GALNT2: variants seen among roughly 807,000 people sequenced by gnomAD.
GALNT2 encodes the protein UDP-GalNAc:polypeptide N-acetylgalactosaminyltransferase 2.
In GALNT2, 31 loss-of-function variants were observed where a neutral mutation model predicts 81.4. The ratio of observed to expected loss-of-function variants is 0.38; its 90% CI spans 0.29 to 0.51. The LOEUF (loss-of-function observed/expected upper bound fraction) is 0.51. Ranked by LOEUF, GALNT2 falls within the 20% of genes least tolerant of loss-of-function variation. GALNT2 has a pLI of 0.87. For synonymous variants in GALNT2, 303 were observed against 287.4 expected (o/e 1.05, Z -0.55); for missense variants, 629 against 765.7 (o/e 0.82, Z 2.11).
At chr1:230,278,810 G>A (rs991779370) in intron 15 of GALNT2, among the ~76,000 whole-genome samples, 2 of 152,186 alleles carry the variant, frequency 1.3e-5, no homozygotes, top group East Asian at 1.9e-4. Context: ...TGGCTCCCCC[G>A]AGCAGAAAGC....
At chr1:230,099,630 G>T (rs1007664558) in intron 1 of GALNT2, among the ~76,000 whole-genome samples, 2 of 152,250 alleles carry the variant, frequency 1.3e-5, no homozygotes, top group African/African-American at 4.8e-5. Context: ...TTTAGCAATG[G>T]TGCGTTCCCT....
rs753791090 is a variant in GALNT2 at position 230,279,089 on chromosome 1, G to A, written c.1561-214G>A. 2.0e-5 allele frequency among the ~76,000 whole-genome samples: 3 copies of A among 152,186 alleles called. No homozygotes were observed. Among genetic ancestry groups the A allele is most frequent in the Non-Finnish European group, 4.4e-5 (3 of 68,024 alleles). On this transcript the variant is annotated intron_variant, in intron 15 of 15. Coordinates refer to ENST00000366672, the MANE Select transcript of GALNT2 (RefSeq NM_004481.5). The surrounding 1 kb of genome is among the most constrained non-coding windows in gnomAD (Gnocchi z 4.6). ...GAGACGTTCTGAGTTTTGATCCAAG[G>A]CAGAGAATATGTTTCCTTCCTGGGT...
intron 3 of GALNT2, among the ~76,000 whole-genome samples, chr1:230,223,344 A>AT (rs5781576): frequency 0.11 from 16,501 of 148,840 alleles, 1,859 homozygotes; most frequent in East Asian, 0.58. Context: ...TATCTTACTG[A>AT]TTTTTTTTCT....
In GALNT2 at chr1:230,262,580, C is replaced by T. The variant is rs1292294067; in HGVS notation, c.1144C>T (p.Arg382Cys). ...GATTTATTTTCTTTCTAGAAACACC[C>T]GCCGGGCAGCAGAGGTCTGGATGGA... Reference protein sequence around the residue: ...GSGTVFARNTRRAAEVWMDEY... With the variant: ...GSGTVFARNTCRAAEVWMDEY... The change falls in exon 12 of 16, where the codon CGC (arginine) becomes TGC (cysteine). Residue 382 changes from arginine (R) to cysteine (C), a missense_variant. By Grantham distance (180) the Arg-to-Cys change is radical (BLOSUM62 -3). Around this residue, in one of 3 missense-constraint regions of GALNT2, gnomAD observed 360 missense variants for 492.8 expected, o/e 0.73. Transcript: ENST00000366672. 2.5e-6 allele frequency: 4 copies of T among 1,613,514 alleles called. No homozygotes were observed. Among genetic ancestry groups the T allele is most frequent in the South Asian group, 1.1e-5 (1 of 91,048 alleles).
At chr1:230,066,140 G>C (rs1408587587), upstream of GALNT2, among the ~76,000 whole-genome samples, 1 of 152,174 alleles carries the variant, frequency 6.6e-6, no homozygotes, top group Admixed American at 6.5e-5. Flanking sequence ...GTTTCGTTGA[G>C]GATATGGGTA....
chr1:230,066,852 C>T (rs1478882178), upstream of GALNT2, among the ~76,000 whole-genome samples: 1 of 151,854 alleles, frequency 6.6e-6, no homozygotes, highest in Non-Finnish European at 1.5e-5. Context: ...AGCCACCTGT[C>T]ACTCACGGGG....
intron 1 of GALNT2, among the ~76,000 whole-genome samples, chr1:230,170,812 G>T (rs1185252848): frequency 1.3e-5 from 2 of 152,104 alleles, no homozygotes; most frequent in African/African-American, 2.4e-5. Flanking sequence ...AATCAAATCT[G>T]TGTGAACTCT....
intron 14 of GALNT2, chr1:230,268,259 A>G (rs1021699099): frequency 3.3e-5 from 5 of 152,198 alleles, no homozygotes; most frequent in African/African-American, 1.2e-4. Context: ...ATTTCACCAA[A>G]TGCAGACATG....
chr1:230,256,807 A>AAT (rs1458931118), intron 11 of GALNT2, among the ~76,000 whole-genome samples: 2 of 152,182 alleles, frequency 1.3e-5, no homozygotes, highest in Non-Finnish European at 2.9e-5. Context: ...CACACAGCTA[A>AAT]ATAAGGTATT....
At chr1:230,207,578 A>G (rs1664101498) in intron 3 of GALNT2, among the ~76,000 whole-genome samples, 1 of 152,146 alleles carries the variant, frequency 6.6e-6, no homozygotes, top group Non-Finnish European at 1.5e-5. Context: ...TATTAGAAAG[A>G]TGATAGCCCA....
intron 8 of GALNT2, among the ~76,000 whole-genome samples, chr1:230,246,715 G>C (rs1032293005): frequency 6.6e-6 from 1 of 152,028 alleles, no homozygotes; most frequent in Admixed American, 6.6e-5. Flanking sequence ...CCCAACACCT[G>C]TGCCTACATC....
chr1:230,270,775 A>G (rs958103705), intron 14 of GALNT2, among the ~76,000 whole-genome samples: 1 of 152,222 alleles, frequency 6.6e-6, no homozygotes, highest in African/African-American at 2.4e-5. Flanking sequence ...GACACACAGG[A>G]AATGAGAAAA....
intron 1 of GALNT2, among the ~76,000 whole-genome samples, chr1:230,126,222 G>T (rs1261431988): frequency 6.6e-6 from 1 of 152,228 alleles, no homozygotes; most frequent in Non-Finnish European, 1.5e-5. Flanking sequence ...GGAGTGTGGG[G>T]TTGCTGTGCT....
At chr1:230,206,054 C>T (rs1045175879) in intron 3 of GALNT2, among the ~76,000 whole-genome samples, 7 of 152,088 alleles carry the variant, frequency 4.6e-5, no homozygotes, top group Non-Finnish European at 8.8e-5. Flanking sequence ...TGACTTCAGT[C>T]GACTGCTTGG....
rs1239951579 is a variant in GALNT2 at position 230,255,383 on chromosome 1, T to C, written c.1136+39T>C. 6 of 1,613,188 alleles carry C rather than the reference T, an allele frequency of 3.7e-6. No homozygotes were observed. In the African/African-American group the frequency reaches 8.0e-5, roughly 22 times the overall value. On this transcript the variant is annotated intron_variant, in intron 11 of 15. Transcript: ENST00000366672. ...GGCTGAGCGGGGTCCAAAACATTGATGACTACCCTGAAAGCAGGACCTGAC... is the reference window on the plus strand; with the variant it reads ...GGCTGAGCGGGGTCCAAAACATTGACGACTACCCTGAAAGCAGGACCTGAC...
In GALNT2 at chr1:230,086,128, G is replaced by A. The variant is rs574146207; in HGVS notation, c.126+18722G>A. ...ATGACAAGATTTTAATCCAGGTCTT[G>A]GTATTCCTAGGGTGCCAGAGGTGAA... On this transcript the variant is annotated intron_variant, in intron 1 of 15. Coordinates refer to ENST00000366672, the MANE Select transcript of GALNT2 (RefSeq NM_004481.5). 1.4e-4 allele frequency among the ~76,000 whole-genome samples: 21 copies of A among 152,258 alleles called. No homozygotes were observed. In the South Asian group the frequency reaches 3.9e-3, roughly 29 times the overall value.
At chr1:230,180,470 T>C (rs1456759105) in intron 2 of GALNT2, among the ~76,000 whole-genome samples, 1 of 152,240 alleles carries the variant, frequency 6.6e-6, no homozygotes, top group East Asian at 1.9e-4. Flanking sequence ...CATTGGTCTA[T>C]TTTTCTGTTA....
chr1:230,185,301 T>C (rs78509830), intron 2 of GALNT2, among the ~76,000 whole-genome samples: 4,049 of 126,110 alleles, frequency 0.032, 141 homozygotes, highest in African/African-American at 0.093. Flanking sequence ...TGTGTGTGTG[T>C]GCGCGCGTGT....
At position 230,271,039 on chromosome 1, in the gene GALNT2, C is replaced by T. The variant is rs894876016; in HGVS notation, c.1441-3406C>T. ...TTTAACTGGGTGTCAGCAGACCATC[C>T]AGCATCCGCCAACACCTGCTGCCAG... is the stretch of plus-strand genomic sequence containing the variant. On this transcript the variant is annotated intron_variant, in intron 14 of 15. Transcript: ENST00000366672. The surrounding 1 kb of genome is among the most constrained non-coding windows in gnomAD (Gnocchi z 4.2). Among the ~76,000 whole-genome samples, 1 of 152,184 alleles carries T rather than the reference C, an allele frequency of 6.6e-6. No homozygotes were observed. Among genetic ancestry groups the T allele is most frequent in the Non-Finnish European group, 1.5e-5 (1 of 68,030 alleles).
Sources: gnomAD v4.1 joint callset for allele counts (sites outside exome capture counted in the v4.1 genomes callset) on GRCh38, gnomAD v4.1.1 for gene constraint, gnomAD v4.1.1 regional missense constraint, Gnocchi (gnomAD v3.1) non-coding constraint, MANE v1.5 for transcripts, NCBI Gene and HGNC (gene_info 2026-07-23, HGNC 2026-07-21) for gene names.